Variants in GPC6 observed in about 807,000 individuals in gnomAD.
GPC6 encodes the protein glypican-6.
Under a neutral mutation model 55.2 loss-of-function variants are expected in GPC6, and 14 were observed. The ratio of observed to expected loss-of-function variants is 0.25; its 90% CI spans 0.17 to 0.40. The LOEUF (loss-of-function observed/expected upper bound fraction) is 0.40. Among genes scored for constraint, GPC6 ranks in the 10% least tolerant of loss-of-function variants. GPC6 has a pLI of 1.00. For synonymous variants in GPC6, 278 were observed against 259.6 expected, an observed-to-expected ratio of 1.07 and a Z score of -0.68; for missense variants, 641 against 708.5, an observed-to-expected ratio of 0.90 and a Z score of 1.08.
intron 2 of GPC6, among the ~76,000 whole-genome samples, chr13:93,712,848 T>G (rs1355629811): frequency 6.6e-6 from 1 of 151,620 alleles, no homozygotes; most frequent in African/African-American, 2.4e-5. Context: ...TCCTGAAATA[T>G]TAGGACAAGA....
At chr13:93,625,142 C>T (rs1194975905) in intron 2 of GPC6, among the ~76,000 whole-genome samples, 3 of 150,868 alleles carry the variant, frequency 2.0e-5, no homozygotes, top group Non-Finnish European at 2.9e-5. Context: ...TGTTGAATGA[C>T]AGTTTTTTTT....
intron 1 of GPC6, among the ~76,000 whole-genome samples, chr13:93,303,438 C>A (rs930241741): frequency 2.0e-5 from 3 of 152,122 alleles, no homozygotes; most frequent in African/African-American, 7.2e-5. Flanking sequence ...ATTACTATTA[C>A]TATTATTAGT....
At chr13:94,386,521 T>G (rs1002501974) in intron 7 of GPC6, among the ~76,000 whole-genome samples, 2 of 152,092 alleles carry the variant, frequency 1.3e-5, no homozygotes, top group African/African-American at 2.4e-5. Flanking sequence ...GCCCAGGAAT[T>G]TGAGGCTGCA....
chr13:93,636,897 C>A (rs898387831), intron 2 of GPC6, among the ~76,000 whole-genome samples: 2 of 151,038 alleles, frequency 1.3e-5, no homozygotes, highest in African/African-American at 4.9e-5. Context: ...CTCCACTGTA[C>A]TCCTTCAAAC....
At position 93,683,876 on chromosome 13, in the gene GPC6, T is replaced by C. The variant is rs148394368; in HGVS notation, c.319+138455T>C. Among the ~76,000 whole-genome samples the C allele has an allele frequency of 1.1e-4, 16 of 152,184 alleles. No individual in the cohort carries two copies. The East Asian group carries it at 3.1e-3, about 30-fold the overall frequency. ...AGTTCTGGAGGCTAGAAGTCTAAGA[T>C]CAGGGTGTCAGCATGGTTGGGTTCT... On this transcript the variant is annotated intron_variant, in intron 2 of 8. Transcript: ENST00000377047.
chr13:93,783,448 C>T (rs1885720424), intron 2 of GPC6, among the ~76,000 whole-genome samples: 2 of 152,086 alleles, frequency 1.3e-5, no homozygotes, highest in Admixed American at 1.3e-4. Context: ...CTCCCACCAA[C>T]AGTGTAAAAG....
intron 2 of GPC6, among the ~76,000 whole-genome samples, chr13:93,777,977 GA>G (rs1438822219): frequency 2.0e-5 from 3 of 152,192 alleles, no homozygotes; most frequent in Non-Finnish European, 4.4e-5. Flanking sequence ...CTCAGTGTAA[GA>G]GAGATCTTGA....
intron 1 of GPC6, among the ~76,000 whole-genome samples, chr13:93,351,382 A>T (rs549668755): frequency 6.6e-5 from 10 of 152,224 alleles, no homozygotes; most frequent in African/African-American, 2.4e-4. Flanking sequence ...GATAACAATT[A>T]TAAGGTGATT....
intron 4 of GPC6, among the ~76,000 whole-genome samples, chr13:94,117,677 G>T (rs1228893594): frequency 6.6e-6 from 1 of 152,046 alleles, no homozygotes; most frequent in African/African-American, 2.4e-5. Flanking sequence ...CAAAGTAAGT[G>T]GTAGAGAAAG....
intron 1 of GPC6, among the ~76,000 whole-genome samples, chr13:93,295,290 C>CA (rs67379652): frequency 0.017 from 1,104 of 66,522 alleles, 68 homozygotes; most frequent in African/African-American, 0.063. Flanking sequence ...GACCCTGTCT[C>CA]AAAAAAAAAA....
chr13:93,397,683 C>A (rs1209787153), intron 1 of GPC6, among the ~76,000 whole-genome samples: 2 of 152,038 alleles, frequency 1.3e-5, no homozygotes, highest in Non-Finnish European at 2.9e-5. Context: ...GTATGTAAAG[C>A]TTTCCAGGTG....
intron 4 of GPC6, among the ~76,000 whole-genome samples, chr13:94,143,046 C>T (rs892657042): frequency 8.6e-5 from 13 of 151,524 alleles, no homozygotes; most frequent in East Asian, 7.8e-4. Context: ...AAGATGGTCT[C>T]GATCTCTTGA....
intron 2 of GPC6, among the ~76,000 whole-genome samples, chr13:93,824,432 T>A (rs530248493): frequency 6.6e-5 from 10 of 152,280 alleles, no homozygotes; most frequent in African/African-American, 2.4e-4. Flanking sequence ...TGAGTGAATG[T>A]GAGTGCAATC....
At chr13:93,494,740 A>G (rs1174030967) in intron 1 of GPC6, among the ~76,000 whole-genome samples, 1 of 151,302 alleles carries the variant, frequency 6.6e-6, no homozygotes, top group Non-Finnish European at 1.5e-5. Flanking sequence ...ATCTCTCAGC[A>G]TTTGCTTGTG....
intron 4 of GPC6, among the ~76,000 whole-genome samples, chr13:94,192,380 A>G (rs1889422971): frequency 6.6e-6 from 1 of 152,198 alleles, no homozygotes; most frequent in Non-Finnish European, 1.5e-5. Flanking sequence ...TGGAATCCAT[A>G]ATAGCCCAGA....
chr13:93,231,382 T>TATATATATATATATATAC (rs1876033448), intron 1 of GPC6, among the ~76,000 whole-genome samples: 7 of 26,782 alleles, frequency 2.6e-4, no homozygotes, highest in Non-Finnish European at 4.6e-4. Flanking sequence ...TATATATACA[T>TATATATATATATATATAC]ATATATATAT....
At chr13:93,295,434 CG>C (rs34435547) in intron 1 of GPC6, among the ~76,000 whole-genome samples, 16,883 of 151,672 alleles carry the variant, frequency 0.11, 1,139 homozygotes, top group East Asian at 0.35. Context: ...CAGAAGAGAT[CG>C]AAAAAGCAAG....
chr13:93,863,359 G>A (rs556868536), intron 3 of GPC6, among the ~76,000 whole-genome samples: 12 of 151,716 alleles, frequency 7.9e-5, no homozygotes, highest in African/African-American at 2.7e-4. Context: ...TTACTATCAA[G>A]TTCTTTACAA....
intron 4 of GPC6, among the ~76,000 whole-genome samples, chr13:94,247,477 C>T (rs1026090783): frequency 3.9e-5 from 6 of 151,950 alleles, no homozygotes; most frequent in Admixed American, 6.6e-5. Flanking sequence ...TGATGTTAGC[C>T]GTAGATTTTG....
Sources: gnomAD v4.1 joint callset for allele counts (sites outside exome capture counted in the v4.1 genomes callset) on GRCh38, gnomAD v4.1.1 for gene constraint, MANE v1.5 for transcripts, NCBI Gene and HGNC (gene_info 2026-07-23, HGNC 2026-07-21) for gene names.